CFDP1: variants seen among roughly 807,000 people sequenced by gnomAD.
CFDP1 encodes heterochromatin-stabilizing protein CFDP1.
CFDP1 carries 31 observed loss-of-function variants against 40.1 expected under a neutral mutation model. That is an observed-to-expected ratio of 0.77 (90% confidence interval 0.58 to 1.04). CFDP1 has a LOEUF of 1.04. Among genes scored for constraint, CFDP1 ranks in the 50% least tolerant of loss-of-function variants. CFDP1 has a pLI of 0.00. For missense variants in CFDP1, 423 were observed against 343.4 expected (o/e 1.23, Z -1.83); for synonymous variants, 167 against 120.0 (o/e 1.39, Z -2.56).
intron 5 of CFDP1, 142 bp downstream of exon 5, chr16:75,394,947 TG>T: frequency 9.7e-7 from 1 of 1,030,690 alleles, no homozygotes; most frequent in Non-Finnish European, 1.4e-6. Context: ...TCTTCCATTC[TG>T]GTAAATATTG....
At chr16:75,308,860 T>C (rs530775604) in intron 5 of CFDP1, among the ~76,000 whole-genome samples, 1 of 152,138 alleles carries the variant, frequency 6.6e-6, no homozygotes, top group Non-Finnish European at 1.5e-5. Flanking sequence ...TGCACAGCAG[T>C]GAGGTTTCCA....
intron 5 of CFDP1, among the ~76,000 whole-genome samples, chr16:75,386,100 A>C (rs1345606773): frequency 6.6e-6 from 1 of 152,152 alleles, no homozygotes; most frequent in Admixed American, 6.5e-5. Context: ...ACAAACCTGC[A>C]TGTTCTGCAC....
At chr16:75,418,345 G>T (rs1315862848) in intron 1 of CFDP1, among the ~76,000 whole-genome samples, 1 of 118,576 alleles carries the variant, frequency 8.4e-6, no homozygotes, top group Non-Finnish European at 1.6e-5. Context: ...TCGCTCTGTC[G>T]CCCAGGCTAG....
intron 5 of CFDP1, among the ~76,000 whole-genome samples, chr16:75,351,953 A>G (rs2078614757): frequency 6.8e-6 from 1 of 147,342 alleles, no homozygotes; most frequent in South Asian, 2.2e-4. Context: ...GGTTGCAGTA[A>G]GCCAAGATTG....
chr16:75,308,497 T>A (rs895793746), intron 5 of CFDP1, among the ~76,000 whole-genome samples: 8 of 152,218 alleles, frequency 5.3e-5, no homozygotes, highest in Non-Finnish European at 1.2e-4. Context: ...GCTATTTAAG[T>A]TCCTGTGTCT....
intron 5 of CFDP1, among the ~76,000 whole-genome samples, chr16:75,368,335 C>T (rs911172726): frequency 4.6e-5 from 7 of 152,036 alleles, no homozygotes; most frequent in East Asian, 3.8e-4. Context: ...AATCACAGCA[C>T]GTTAAAGTTT....
intron 1 of CFDP1, among the ~76,000 whole-genome samples, chr16:75,426,008 C>T (rs1421957354): frequency 1.7e-5 from 2 of 116,690 alleles, no homozygotes; most frequent in East Asian, 2.7e-4. Flanking sequence ...TGCACTCAAG[C>T]CTGGGCAACA....
chr16:75,398,687 C>CA (rs2079019729), intron 4 of CFDP1, among the ~76,000 whole-genome samples: 1 of 152,174 alleles, frequency 6.6e-6, no homozygotes, highest in Non-Finnish European at 1.5e-5. Flanking sequence ...CACACAGAAA[C>CA]AGACGTCTGA....
chr16:75,417,487 T>C (rs969543679), intron 1 of CFDP1, among the ~76,000 whole-genome samples: 9 of 152,150 alleles, frequency 5.9e-5, no homozygotes, highest in African/African-American at 1.7e-4. Flanking sequence ...GAACAGTGTA[T>C]GAAATATGCC....
chr16:75,425,967 C>G (rs1381639889), intron 1 of CFDP1, among the ~76,000 whole-genome samples: 1 of 123,100 alleles, frequency 8.1e-6, no homozygotes, highest in East Asian at 2.7e-4. Context: ...ACCTGGGAGG[C>G]GGAGGTTGCA....
intron 5 of CFDP1, among the ~76,000 whole-genome samples, chr16:75,309,386 G>C (rs2078278622): frequency 6.6e-6 from 1 of 152,000 alleles, no homozygotes; most frequent in African/African-American, 2.4e-5. Flanking sequence ...ACACAGAAAA[G>C]CCTACTTCAG....
chr16:75,326,606 A>G (rs72804155), intron 5 of CFDP1, among the ~76,000 whole-genome samples: 10,093 of 152,264 alleles, frequency 0.066, 363 homozygotes, highest in Middle Eastern at 0.13. Context: ...GTGGCTAACA[A>G]CAGCTAGAAA....
chr16:75,395,276 G>A, intron 4 of CFDP1, 67 bp from the exon 5 acceptor site: 2 of 1,529,512 alleles, frequency 1.3e-6, no homozygotes, highest in Non-Finnish European at 1.8e-6. Context: ...CTAGAAAAGG[G>A]AATAAAGACA....
intron 6 of CFDP1, among the ~76,000 whole-genome samples, chr16:75,296,361 T>G (rs1191604197): frequency 2.0e-5 from 3 of 152,116 alleles, no homozygotes; most frequent in Non-Finnish European, 4.4e-5. Context: ...CTTCAGCCTC[T>G]CAGGTAGCTG....
At chr16:75,408,915 T>C (rs1166796533) in intron 4 of CFDP1, among the ~76,000 whole-genome samples, 1 of 151,968 alleles carries the variant, frequency 6.6e-6, no homozygotes, top group Non-Finnish European at 1.5e-5. Context: ...TGGAGTGCAG[T>C]GGTACGATCT....
intron 5 of CFDP1, among the ~76,000 whole-genome samples, chr16:75,391,930 T>C (rs1715651873): frequency 6.6e-6 from 1 of 151,912 alleles, no homozygotes; most frequent in Non-Finnish European, 1.5e-5. Flanking sequence ...ATCGCGCCAC[T>C]GCACTCCAGC....
At chr16:75,423,704 C>T (rs1440707214) in intron 1 of CFDP1, among the ~76,000 whole-genome samples, 2 of 152,032 alleles carry the variant, frequency 1.3e-5, no homozygotes, top group Non-Finnish European at 2.9e-5. Context: ...TTAGTTGAGA[C>T]GGGGTTTCAC....
At chr16:75,312,701 A>G (rs974040156) in intron 5 of CFDP1, among the ~76,000 whole-genome samples, 6 of 152,136 alleles carry the variant, frequency 3.9e-5, no homozygotes, top group African/African-American at 1.2e-4. Context: ...TGTTGAGCAG[A>G]GGTGTGTTTT....
intron 6 of CFDP1, among the ~76,000 whole-genome samples, chr16:75,298,275 A>C (rs2078197986): frequency 6.6e-6 from 1 of 152,200 alleles, no homozygotes; most frequent in Non-Finnish European, 1.5e-5. Flanking sequence ...AGGGATATTC[A>C]ACCTGTATCT....
Sources: allele counts gnomAD v4.1 joint callset (sites outside exome capture counted in the v4.1 genomes callset), GRCh38; gene constraint gnomAD v4.1.1; transcripts MANE v1.5; gene names NCBI Gene and HGNC (gene_info 2026-07-23, HGNC 2026-07-21).